The following EXTL3 variants were observed in gnomAD, a reference collection of about 807,000 sequenced individuals.
EXTL3 encodes the protein exostosin-like 3.
A neutral mutation model predicts 69.3 loss-of-function variants in EXTL3; 27 were observed. The observed-to-expected ratio is 0.39, with a 90% CI of 0.29 to 0.54. The LOEUF (loss-of-function observed/expected upper bound fraction) is 0.54, where lower values mean the gene tolerates loss of function less well. Among genes scored for constraint, EXTL3 ranks in the 20% least tolerant of loss-of-function variants. The pLI is 0.69. For synonymous variants in EXTL3, 511 were observed against 499.4 expected (o/e 1.02, Z -0.31); for missense variants, 1,003 against 1,231.8 (o/e 0.81, Z 2.78).
At chr8:28,714,632 C>G (rs551399202) in intron 2 of EXTL3, among the ~76,000 whole-genome samples, 2 of 152,306 alleles carry the variant, frequency 1.3e-5, no homozygotes, top group African/African-American at 4.8e-5. Context: ...AAAAAAGAAA[C>G]CGGGAATATT....
At chr8:28,644,462 G>C (rs1447386352) in intron 1 of EXTL3, among the ~76,000 whole-genome samples, 1 of 152,094 alleles carries the variant, frequency 6.6e-6, no homozygotes, top group East Asian at 1.9e-4. Flanking sequence ...ACTTTGGGAG[G>C]CCAAGACAAG....
intron 1 of EXTL3, among the ~76,000 whole-genome samples, chr8:28,708,920 G>A (rs906331995): frequency 2.6e-5 from 4 of 152,190 alleles, no homozygotes; most frequent in South Asian, 4.1e-4. Flanking sequence ...TTTGAATATA[G>A]TGTTGGTTTT....
At chr8:28,671,376 ATC>A (rs1165678349) in intron 1 of EXTL3, among the ~76,000 whole-genome samples, 1 of 139,564 alleles carries the variant, frequency 7.2e-6, no homozygotes, top group Non-Finnish European at 1.5e-5. Context: ...CAGTGTCACG[ATC>A]TCTGCTCACT....
At chr8:28,699,575 C>T (rs893943655), upstream of EXTL3, 3 of 152,456 alleles carry the variant, frequency 2.0e-5, no homozygotes, top group African/African-American at 7.2e-5. Flanking sequence ...GTGGTGCGAT[C>T]TCGGCTCCCT....
intron 2 of EXTL3, among the ~76,000 whole-genome samples, chr8:28,613,543 G>C (rs1806296417): frequency 6.6e-6 from 1 of 152,212 alleles, no homozygotes; most frequent in East Asian, 1.9e-4. Context: ...TTCTGGAAGA[G>C]ATTGTATAGA....
intron 1 of EXTL3, among the ~76,000 whole-genome samples, chr8:28,664,638 G>T (rs937265211): frequency 6.6e-6 from 1 of 152,116 alleles, no homozygotes; most frequent in Non-Finnish European, 1.5e-5. Flanking sequence ...AGAATCCAGA[G>T]TTCAAGATAT....
At chr8:28,631,143 C>CTTTTTTTT (rs10659135) in intron 1 of EXTL3, among the ~76,000 whole-genome samples, 1 of 144,770 alleles carries the variant, frequency 6.9e-6, no homozygotes, top group Non-Finnish European at 1.5e-5. Flanking sequence ...TTAGAGAGGA[C>CTTTTTTTT]TTTTTTTTTT....
In EXTL3 at chr8:28,752,339, A is replaced by T. The variant is rs918771709; in HGVS notation, c.*1473A>T. 6.6e-6 allele frequency: 1 copy of T among 152,568 alleles called. No homozygotes were observed. The allele number at this position is 152,568 out of a possible 1,614,324, so 9.5% of individuals were successfully genotyped here. A position where few individuals can be genotyped will look rare whatever the true frequency, so the allele number is the denominator to read the frequency against. ...GTGTTTCTTGAACCCTACTTTCTGG[A>T]AGTGGAGTTGACTCTGGAAGTTTTC... On this transcript the variant is annotated 3_prime_UTR_variant, in exon 7 of 7. Transcript: ENST00000220562.
At chr8:28,618,722 C>A (rs1045543892), upstream of EXTL3, among the ~76,000 whole-genome samples, 2 of 152,004 alleles carry the variant, frequency 1.3e-5, no homozygotes, top group African/African-American at 4.8e-5. Context: ...AGGCCAGGCA[C>A]GAGAAAATAG....
chr8:28,638,875 C>T (rs1422486611), intron 1 of EXTL3, among the ~76,000 whole-genome samples: 2 of 152,016 alleles, frequency 1.3e-5, no homozygotes, highest in African/African-American at 4.8e-5. Flanking sequence ...AGGTGATCCG[C>T]CCACCTCAAC....
At chr8:28,650,609 A>C (rs1806903990) in intron 1 of EXTL3, among the ~76,000 whole-genome samples, 1 of 152,036 alleles carries the variant, frequency 6.6e-6, no homozygotes, top group Admixed American at 6.6e-5. Context: ...TGCTCACCTC[A>C]GCCTCCCAAA....
chr8:28,660,267 G>A (rs897225564), intron 1 of EXTL3, among the ~76,000 whole-genome samples: 1 of 152,112 alleles, frequency 6.6e-6, no homozygotes, highest in Non-Finnish European at 1.5e-5. Flanking sequence ...ACAAGGCTGA[G>A]GTGGGAGGAT....
At chr8:28,650,712 C>A (rs1275258418) in intron 1 of EXTL3, among the ~76,000 whole-genome samples, 2 of 152,038 alleles carry the variant, frequency 1.3e-5, no homozygotes, top group Non-Finnish European at 2.9e-5. Context: ...TTTCTTATGT[C>A]CGTCTGATGC....
At chr8:28,643,576 G>A (rs535205464) in intron 1 of EXTL3, among the ~76,000 whole-genome samples, 6 of 151,474 alleles carry the variant, frequency 4.0e-5, no homozygotes, top group South Asian at 4.2e-4. Flanking sequence ...TACCACACCC[G>A]GCTAATTTTT....
At chr8:28,643,183 G>T (rs1445012510) in intron 1 of EXTL3, among the ~76,000 whole-genome samples, 2 of 152,096 alleles carry the variant, frequency 1.3e-5, no homozygotes, top group Non-Finnish European at 2.9e-5. Context: ...CGTGGAGGTT[G>T]CAGTGAGCCT....
intron 3 of EXTL3, among the ~76,000 whole-genome samples, chr8:28,727,840 C>T (rs1801445193): frequency 6.6e-6 from 1 of 152,184 alleles, no homozygotes; most frequent in African/African-American, 2.4e-5. Flanking sequence ...GGTGTGCCTG[C>T]ACTCCTACAG....
intron 3 of EXTL3, among the ~76,000 whole-genome samples, chr8:28,730,632 C>T (rs562935137): frequency 5.9e-5 from 9 of 152,270 alleles, no homozygotes; most frequent in South Asian, 4.1e-4. Flanking sequence ...TTGCTGAAGA[C>T]GCAGAAGCTG....
At chr8:28,680,168 G>C (rs1305643016) in intron 1 of EXTL3, among the ~76,000 whole-genome samples, 2 of 151,932 alleles carry the variant, frequency 1.3e-5, no homozygotes, top group African/African-American at 2.4e-5. Context: ...AAGGCGGGCA[G>C]ATCACCTGAG....
At chr8:28,672,386 C>A (rs1293331839) in intron 1 of EXTL3, among the ~76,000 whole-genome samples, 2 of 120,816 alleles carry the variant, frequency 1.7e-5, no homozygotes, top group African/African-American at 6.5e-5. Context: ...CCACTGCACT[C>A]CAGTCTGGGC....
Sources: gnomAD v4.1 joint callset for allele counts (sites outside exome capture counted in the v4.1 genomes callset) on GRCh38, gnomAD v4.1.1 for gene constraint, MANE v1.5 for transcripts, NCBI Gene and HGNC (gene_info 2026-07-23, HGNC 2026-07-21) for gene names.